Variants in RHBDD1 observed in about 807,000 individuals in gnomAD.
RHBDD1 encodes the protein rhomboid-related protein 4.
RHBDD1 carries 38 observed loss-of-function variants against 36.3 expected under a neutral mutation model. That is an observed-to-expected ratio of 1.05 (90% CI 0.81 to 1.37). The LOEUF is 1.37. Ranked by LOEUF, RHBDD1 falls within the 40% of genes most tolerant of loss-of-function variation. The pLI, the probability that RHBDD1 is intolerant of heterozygous loss-of-function variation, is 0.00. For synonymous variants in RHBDD1, 151 were observed against 136.5 expected, an observed-to-expected ratio of 1.11 and a Z score of -0.74; for missense variants, 393 against 377.6, an observed-to-expected ratio of 1.04 and a Z score of -0.34.
Position 226,867,291 on chromosome 2 carries a change from T to A in RHBDD1, c.539T>A (p.Leu180His). Residue 180 changes from leucine (L) to histidine (H), a missense_variant, in exon 5 of 9, where the codon CTT becomes CAT. Transcript: ENST00000392062. ...VPNRFACWVE[L>H]VAIHLFSPGT... The stretch of plus-strand genomic sequence containing the variant: ...AACAGATTTGCTTGTTGGGTCGAAC[T>A]TGTGGCTATTCATTTATTCTCACCA... 6.2e-7 allele frequency: 1 copy of A among 1,613,822 alleles called. No homozygotes were observed. The highest frequency in any genetic ancestry group is 1.1e-5 in the South Asian group (1 of 90,918).
chr2:226,837,688 C>G (rs1287705948), intron 1 of RHBDD1: 1 of 152,190 alleles, frequency 6.6e-6, no homozygotes, highest in East Asian at 1.9e-4. Flanking sequence ...AGGCGTCTGC[C>G]ACCACGCCCA....
At chr2:226,830,545 G>A in the RHBDD1 span, among the ~76,000 whole-genome samples, 2 of 152,186 alleles carry the variant, frequency 1.3e-5, no homozygotes, top group African/African-American at 2.4e-5. Context: ...CTAGTCTGGA[G>A]TGCAGTGGCT....
At chr2:226,928,330 G>T (rs1949799414) in intron 8 of RHBDD1, among the ~76,000 whole-genome samples, 1 of 152,124 alleles carries the variant, frequency 6.6e-6, no homozygotes, top group South Asian at 2.1e-4. Flanking sequence ...AGTAAAACTA[G>T]AAATCAGTTC....
chr2:226,924,356 A>G (rs568320574), intron 8 of RHBDD1, among the ~76,000 whole-genome samples: 8 of 152,244 alleles, frequency 5.3e-5, no homozygotes, highest in South Asian at 2.1e-4. Flanking sequence ...TCGGTACCCT[A>G]TCCTACTGTG....
chr2:226,956,296 A>G (rs1951788922), intron 8 of RHBDD1, among the ~76,000 whole-genome samples: 1 of 152,062 alleles, frequency 6.6e-6, no homozygotes. Flanking sequence ...CTAGAGTCAC[A>G]TATTATTAGC....
upstream of RHBDD1, among the ~76,000 whole-genome samples, chr2:226,832,302 A>G (rs1357667088): frequency 6.6e-6 from 1 of 152,148 alleles, no homozygotes; most frequent in Non-Finnish European, 1.5e-5. Flanking sequence ...ATTTCTTTCT[A>G]TTGTCAATCC....
chr2:226,949,623 T>G (rs1951281437), intron 8 of RHBDD1, among the ~76,000 whole-genome samples: 1 of 152,198 alleles, frequency 6.6e-6, no homozygotes, highest in African/African-American at 2.4e-5. Context: ...ATTAATAATT[T>G]GATTAATAAT....
At chr2:226,971,450 TTTCTCATTGTTTTG>T (rs1460910085) in intron 8 of RHBDD1, among the ~76,000 whole-genome samples, 1 of 152,214 alleles carries the variant, frequency 6.6e-6, no homozygotes, top group African/African-American at 2.4e-5. Flanking sequence ...TTCCTCCCCA[TTTCTCATTGTTTTG>T]TTCCAAGCCA....
At chr2:226,881,782 A>T (rs1945760014) in intron 5 of RHBDD1, among the ~76,000 whole-genome samples, 1 of 152,218 alleles carries the variant, frequency 6.6e-6, no homozygotes, top group Non-Finnish European at 1.5e-5. Flanking sequence ...TGTATTAATA[A>T]CAAAAATTAT....
At chr2:226,874,877 C>CGT (rs1945094654) in intron 5 of RHBDD1, among the ~76,000 whole-genome samples, 1 of 152,146 alleles carries the variant, frequency 6.6e-6, no homozygotes, top group Admixed American at 6.6e-5. Context: ...TCAGCCTGTG[C>CGT]GTGTGCGCCT....
intron 8 of RHBDD1, among the ~76,000 whole-genome samples, chr2:226,956,517 G>C (rs1951803071): frequency 6.6e-6 from 1 of 152,164 alleles, no homozygotes; most frequent in Admixed American, 6.5e-5. Context: ...CACACATTCT[G>C]CTGGGAAGAT....
At chr2:226,879,327 A>G (rs1232983063) in intron 5 of RHBDD1, among the ~76,000 whole-genome samples, 1 of 152,164 alleles carries the variant, frequency 6.6e-6, no homozygotes, top group Non-Finnish European at 1.5e-5. Context: ...AGAGAATTAG[A>G]TTGCCAGGAC....
chr2:226,935,176 T>C (rs1950261232), intron 8 of RHBDD1: 1 of 152,138 alleles, frequency 6.6e-6, no homozygotes, highest in Non-Finnish European at 1.5e-5. Flanking sequence ...GGCTTGAGAA[T>C]GAAACTGATT....
the RHBDD1 span, among the ~76,000 whole-genome samples, chr2:226,828,969 A>G: frequency 6.6e-6 from 1 of 152,220 alleles, no homozygotes; most frequent in East Asian, 1.9e-4. Flanking sequence ...TCTTTGCCTA[A>G]TCTAAGATGA....
rs10933164 is a variant in RHBDD1, at chr2:226,995,955, G to T, written c.*433G>T. 6.1e-6 allele frequency: 1 copy of T among 163,184 alleles called. No individual in the cohort carries two copies. Among genetic ancestry groups the T allele is most frequent in the East Asian group, 1.8e-4 (1 of 5,470 alleles). 10.1% of individuals were successfully genotyped at this position (163,184 alleles called of 1,614,324 possible). The stretch of plus-strand genomic sequence containing the variant: ...GGAGCCATCCCCGCGTCCTCCTGGC[G>T]CATTGCCACTGTGGCTGTCCAGGAA... On this transcript the variant is annotated 3_prime_UTR_variant, in exon 9 of 9. Coordinates refer to ENST00000392062, the MANE Select transcript of RHBDD1 (RefSeq NM_001167608.3).
intron 7 of RHBDD1, among the ~76,000 whole-genome samples, chr2:226,912,112 A>G (rs975722845): frequency 6.6e-6 from 1 of 152,180 alleles, no homozygotes; most frequent in Non-Finnish European, 1.5e-5. Context: ...ATAAGCACAT[A>G]AAAAGACACT....
At chr2:226,857,872 A>AC (rs1943483455) in intron 3 of RHBDD1, among the ~76,000 whole-genome samples, 1 of 152,184 alleles carries the variant, frequency 6.6e-6, no homozygotes, top group Non-Finnish European at 1.5e-5. Flanking sequence ...TTGTGAATAT[A>AC]CTAAAAAAAA....
intron 8 of RHBDD1, among the ~76,000 whole-genome samples, chr2:226,933,173 G>T (rs35290835): frequency 0.024 from 3,581 of 152,160 alleles, 53 homozygotes; most frequent in Non-Finnish European, 0.038. Context: ...ACCGTGTGGG[G>T]ATTATGAGGA....
chr2:226,979,544 C>T (rs1397311262), intron 8 of RHBDD1, among the ~76,000 whole-genome samples: 1 of 152,112 alleles, frequency 6.6e-6, no homozygotes, highest in African/African-American at 2.4e-5. Flanking sequence ...TTTTACTTGG[C>T]TGGCTCATCA....
Sources: allele counts gnomAD v4.1 joint callset (sites outside exome capture counted in the v4.1 genomes callset), GRCh38; gene constraint gnomAD v4.1.1; transcripts MANE v1.5; gene names NCBI Gene and HGNC (gene_info 2026-07-23, HGNC 2026-07-21).